The following ST3GAL3 variants were observed in gnomAD, a reference collection of about 807,000 sequenced individuals.
The protein encoded by ST3GAL3 is CMP-N-acetylneuraminate-beta-1,4-galactoside alpha-2,3-sialyltransferase.
In ST3GAL3, 21 loss-of-function variants were observed where a neutral mutation model predicts 50.1. The observed-to-expected ratio is 0.42, with a 90% CI of 0.30 to 0.60. The LOEUF is 0.60. ST3GAL3 is among the 20% of genes least tolerant of loss of function. The pLI, the probability that ST3GAL3 is intolerant of heterozygous loss-of-function variation, is 0.19. For synonymous variants in ST3GAL3, 183 were observed against 190.0 expected, an observed-to-expected ratio of 0.96 and a Z score of 0.30; for missense variants, 353 against 489.4, an observed-to-expected ratio of 0.72 and a Z score of 2.63.
At chr1:43,928,312 A>C (rs1415830767) in intron 11 of ST3GAL3, among the ~76,000 whole-genome samples, 1 of 152,148 alleles carries the variant, frequency 6.6e-6, no homozygotes, top group Non-Finnish European at 1.5e-5. Context: ...GGCTGTTAAC[A>C]GTTATTGGCC....
chr1:43,729,962 C>T (rs1201938087), intron 1 of ST3GAL3, among the ~76,000 whole-genome samples: 1 of 152,038 alleles, frequency 6.6e-6, no homozygotes, highest in Non-Finnish European at 1.5e-5. Flanking sequence ...CTGTTTTTAC[C>T]CCACAGCCTC....
At chr1:43,773,617 A>T (rs1245656603) in intron 2 of ST3GAL3, among the ~76,000 whole-genome samples, 2 of 152,192 alleles carry the variant, frequency 1.3e-5, no homozygotes, top group East Asian at 3.8e-4. Context: ...TTTTCTGTAC[A>T]ATTTGAAAGT....
intron 11 of ST3GAL3, among the ~76,000 whole-genome samples, chr1:43,929,282 TTC>T (rs2084603095): frequency 6.6e-6 from 1 of 150,766 alleles, no homozygotes; most frequent in Non-Finnish European, 1.5e-5. Context: ...GTACAATTCT[TTC>T]AATTAAAAAA....
chr1:43,768,405 C>T (rs4660745), intron 2 of ST3GAL3, among the ~76,000 whole-genome samples: 53,146 of 152,090 alleles, frequency 0.35, 10,082 homozygotes, highest in African/African-American at 0.5. Context: ...CACACTACTG[C>T]ACTCCAGTCT....
intron 5 of ST3GAL3, among the ~76,000 whole-genome samples, chr1:43,878,752 A>G (rs772491384): frequency 4.6e-5 from 7 of 152,184 alleles, no homozygotes; most frequent in Non-Finnish European, 7.3e-5. Flanking sequence ...TTGATAGAAG[A>G]ATGGAATTTT....
chr1:43,848,294 C>CTTTTTTTT (rs58438507), intron 5 of ST3GAL3, among the ~76,000 whole-genome samples: 9 of 70,366 alleles, frequency 1.3e-4, no homozygotes, highest in Admixed American at 2.0e-4. Context: ...TTGTGGTTTT[C>CTTTTTTTT]TTTTTTTTTT....
intron 1 of ST3GAL3, among the ~76,000 whole-genome samples, chr1:43,724,327 C>G (rs1417647742): frequency 6.6e-6 from 1 of 151,936 alleles, no homozygotes; most frequent in Non-Finnish European, 1.5e-5. Flanking sequence ...CCTCCTGCTT[C>G]AGCCCCATGA....
At chr1:43,744,913 C>T (rs1682935863) in intron 2 of ST3GAL3, among the ~76,000 whole-genome samples, 1 of 150,872 alleles carries the variant, frequency 6.6e-6, no homozygotes, top group Non-Finnish European at 1.5e-5. Flanking sequence ...ATCGCTTGAA[C>T]TCGGGAGACA....
chr1:43,888,122 G>C (rs1258654010), intron 5 of ST3GAL3, among the ~76,000 whole-genome samples: 1 of 152,126 alleles, frequency 6.6e-6, no homozygotes, highest in African/African-American at 2.4e-5. Context: ...TCTTAGAAGA[G>C]GTAAAGAGAG....
intron 1 of ST3GAL3, among the ~76,000 whole-genome samples, chr1:43,719,682 C>A (rs186125263): frequency 6.8e-6 from 1 of 147,700 alleles, no homozygotes; most frequent in Non-Finnish European, 1.5e-5. Flanking sequence ...AAAGAATAAG[C>A]GGTGGCTTGG....
chr1:43,918,718 T>A (rs2082504772), intron 9 of ST3GAL3, among the ~76,000 whole-genome samples: 1 of 152,176 alleles, frequency 6.6e-6, no homozygotes, highest in Non-Finnish European at 1.5e-5. Flanking sequence ...AGAATCCATT[T>A]GATAAATCTC....
intron 1 of ST3GAL3, among the ~76,000 whole-genome samples, chr1:43,729,964 CA>C (rs1674899847): frequency 6.6e-6 from 1 of 152,232 alleles, no homozygotes; most frequent in Admixed American, 6.5e-5. Context: ...GTTTTTACCC[CA>C]CAGCCTCACT....
chr1:43,889,077 G>C (rs189782921), intron 5 of ST3GAL3, among the ~76,000 whole-genome samples: 11 of 152,194 alleles, frequency 7.2e-5, no homozygotes, highest in Admixed American at 7.2e-4. Context: ...AATCATGGGA[G>C]TATTATTGAG....
At chr1:43,792,936 G>A (rs2058260945) in intron 3 of ST3GAL3, among the ~76,000 whole-genome samples, 2 of 152,220 alleles carry the variant, frequency 1.3e-5, no homozygotes, top group African/African-American at 4.8e-5. Flanking sequence ...GTAAAGTCAG[G>A]TGGGCCTCAT....
intron 2 of ST3GAL3, among the ~76,000 whole-genome samples, chr1:43,777,469 G>A (rs1697716740): frequency 6.6e-6 from 1 of 152,034 alleles, no homozygotes; most frequent in African/African-American, 2.4e-5. Context: ...TCAGAAATAA[G>A]ACCACACACC....
At chr1:43,908,157 C>T (rs1244956899) in intron 9 of ST3GAL3, among the ~76,000 whole-genome samples, 1 of 152,202 alleles carries the variant, frequency 6.6e-6, no homozygotes, top group East Asian at 1.9e-4. Context: ...TTGCCTTTGC[C>T]TTCCATATTC....
intron 9 of ST3GAL3, among the ~76,000 whole-genome samples, chr1:43,918,165 G>A (rs1031822726): frequency 7.6e-6 from 1 of 130,734 alleles, no homozygotes; most frequent in East Asian, 2.2e-4. Flanking sequence ...CACCCAGGCT[G>A]GAGTGTGCAG....
At chr1:43,854,597 T>C (rs921225533) in intron 5 of ST3GAL3, among the ~76,000 whole-genome samples, 2 of 152,198 alleles carry the variant, frequency 1.3e-5, no homozygotes, top group East Asian at 3.8e-4. Context: ...ACATCATATG[T>C]GCTGATGACT....
intron 2 of ST3GAL3, among the ~76,000 whole-genome samples, chr1:43,768,546 A>G (rs1339090800): frequency 6.6e-6 from 1 of 152,222 alleles, no homozygotes; most frequent in Non-Finnish European, 1.5e-5. Flanking sequence ...GCCAGTGAAC[A>G]ATGCCAGGAA....
Sources: allele counts gnomAD v4.1 joint callset (sites outside exome capture counted in the v4.1 genomes callset), GRCh38; gene constraint gnomAD v4.1.1; transcripts MANE v1.5; gene names NCBI Gene and HGNC (gene_info 2026-07-23, HGNC 2026-07-21).